Variants in FBXW11 observed in about 807,000 individuals in gnomAD.
FBXW11 encodes the protein F-box and WD repeat domain containing 11.
A neutral mutation model predicts 77.6 loss-of-function variants in FBXW11; 19 were observed. The observed-to-expected ratio is 0.24, with a 90% CI of 0.17 to 0.36. FBXW11 has a LOEUF of 0.36. FBXW11 is among the 10% of genes least tolerant of loss of function. The pLI, the probability that FBXW11 is intolerant of heterozygous loss-of-function variation, is 1.00. For missense variants in FBXW11, 334 were observed against 704.2 expected, an observed-to-expected ratio of 0.47 and a Z score of 5.95; for synonymous variants, 235 against 249.4, an observed-to-expected ratio of 0.94 and a Z score of 0.54.
rs184571611 is a variant in FBXW11 at position 171,868,865 on chromosome 5, T to C, written c.1531-69A>G. 2.0e-4 allele frequency: 293 copies of C among 1,433,668 alleles called. 1 individual carries two copies. The African/African-American group carries it at 3.8e-3, about 18-fold the overall frequency. 88.8% of individuals were successfully genotyped at this position (1,433,668 alleles called of 1,614,324 possible). On this transcript the variant is annotated intron_variant, in intron 12 of 13. Transcript: ENST00000517395. ...CCCCTGATATCTCACAATGAGAAACTGGGCAGAAGATGAAAATGCAGCCAC... is the reference window on the plus strand; with the variant it reads ...CCCCTGATATCTCACAATGAGAAACCGGGCAGAAGATGAAAATGCAGCCAC...
At chr5:171,889,674 G>C (rs568828026) in intron 7 of FBXW11, among the ~76,000 whole-genome samples, 1 of 151,964 alleles carries the variant, frequency 6.6e-6, no homozygotes, top group East Asian at 1.9e-4. Flanking sequence ...ATCACCTAAA[G>C]TCGGGAGTTT....
intron 1 of FBXW11, among the ~76,000 whole-genome samples, chr5:171,970,965 C>T (rs910892333): frequency 1.3e-5 from 2 of 152,164 alleles, no homozygotes; most frequent in Non-Finnish European, 2.9e-5. Flanking sequence ...TGCTGCACAG[C>T]AAGGATGTCT....
At chr5:171,920,247 T>C (rs1213706768) in intron 2 of FBXW11, among the ~76,000 whole-genome samples, 2 of 152,094 alleles carry the variant, frequency 1.3e-5, no homozygotes, top group African/African-American at 2.4e-5. Context: ...TAAGTGGAAG[T>C]AGCGTAAGCT....
intron 2 of FBXW11, among the ~76,000 whole-genome samples, chr5:171,930,882 T>A (rs1167196209): frequency 6.6e-6 from 1 of 151,672 alleles, no homozygotes; most frequent in East Asian, 1.9e-4. Flanking sequence ...CTTTCCTATA[T>A]ACCAGCAATG....
At chr5:171,916,152 T>C (rs1241103146) in intron 2 of FBXW11, among the ~76,000 whole-genome samples, 2 of 149,816 alleles carry the variant, frequency 1.3e-5, no homozygotes, top group South Asian at 4.2e-4. Flanking sequence ...GACGAGTTAA[T>C]GGGTGGAGCA....
intron 13 of FBXW11, chr5:171,868,171 G>GGTGGATT (rs1307614179): frequency 6.6e-6 from 1 of 152,132 alleles, no homozygotes; most frequent in African/African-American, 2.4e-5. Context: ...GATGGTGGTG[G>GGTGGATT]GTGGATTGTG....
At chr5:171,892,257 T>C (rs1324490759) in intron 6 of FBXW11, among the ~76,000 whole-genome samples, 2 of 152,190 alleles carry the variant, frequency 1.3e-5, no homozygotes, top group African/African-American at 4.8e-5. Context: ...CACTCCAATA[T>C]CTAGGCCCAT....
chr5:171,966,583 G>C (rs1257049759), intron 1 of FBXW11, among the ~76,000 whole-genome samples: 1 of 152,116 alleles, frequency 6.6e-6, no homozygotes, highest in African/African-American at 2.4e-5. Context: ...GCTGCCAAGG[G>C]GGAACAGAAT....
chr5:171,957,641 C>T lies in FBXW11; in HGVS notation c.103G>A (p.Ala35Thr), dbSNP rs760618599. The change falls in exon 2 of 14, where the codon GCA (alanine) becomes ACA (threonine). Residue 35 changes from alanine to threonine, a missense_variant. Ala to Thr is a moderately conservative substitution (Grantham distance 58). Transcript: ENST00000517395. ...GCANLVESMC[A>T]LSCLQSMPSV... is the part of the protein sequence containing the mutation. ...GGCATGCTCTGCAGGCAACTCAGTGCGCACATGCTCTCTACCAGGTTGGCG... is the reference window on the plus strand; with the variant it reads ...GGCATGCTCTGCAGGCAACTCAGTGTGCACATGCTCTCTACCAGGTTGGCG... The T allele has an allele frequency of 1.9e-6, 3 of 1,614,178 alleles. No homozygotes were observed. Among genetic ancestry groups the T allele is most frequent in the Non-Finnish European group, 2.5e-6 (3 of 1,180,016 alleles).
intron 2 of FBXW11, among the ~76,000 whole-genome samples, chr5:171,936,700 C>A (rs1237824317): frequency 1.3e-5 from 2 of 151,920 alleles, no homozygotes; most frequent in Non-Finnish European, 1.5e-5. Context: ...CAAGACAGCT[C>A]AAGAAAACAA....
intron 2 of FBXW11, among the ~76,000 whole-genome samples, chr5:171,955,933 C>CTCCCACTCACCCCACCTCCAGA (rs1178593353): frequency 1.3e-5 from 2 of 152,096 alleles, no homozygotes; most frequent in African/African-American, 4.8e-5. Flanking sequence ...CGTGTACCTC[C>CTCCCACTCACCCCACCTCCAGA]TCCCACTCAC....
At chr5:171,996,258 T>G (rs1351099453) in intron 1 of FBXW11, among the ~76,000 whole-genome samples, 1 of 152,234 alleles carries the variant, frequency 6.6e-6, no homozygotes, top group South Asian at 2.1e-4. Flanking sequence ...CATGTGAGAA[T>G]GCCTCAAAGT....
chr5:171,961,813 AT>A (rs1369176613), intron 1 of FBXW11, among the ~76,000 whole-genome samples: 4 of 151,934 alleles, frequency 2.6e-5, no homozygotes, highest in Non-Finnish European at 4.4e-5. Flanking sequence ...TGCCCGGCTT[AT>A]TTTTGTATTT....
intron 1 of FBXW11, among the ~76,000 whole-genome samples, chr5:171,992,488 G>T (rs1296720602): frequency 6.6e-6 from 1 of 150,504 alleles, no homozygotes; most frequent in East Asian, 1.9e-4. Flanking sequence ...GGAAAGAAAG[G>T]AAGAAAGAAA....
intron 2 of FBXW11, among the ~76,000 whole-genome samples, chr5:171,956,213 G>A (rs1023399369): frequency 1.3e-5 from 2 of 152,090 alleles, no homozygotes; most frequent in African/African-American, 2.4e-5. Flanking sequence ...TTATAATAAC[G>A]CAAATATCCA....
intron 1 of FBXW11, among the ~76,000 whole-genome samples, chr5:171,961,469 C>A (rs1032263721): frequency 5.3e-5 from 8 of 152,144 alleles, no homozygotes; most frequent in Non-Finnish European, 1.2e-4. Flanking sequence ...AGGAAATACA[C>A]CCACCTTTTA....
In FBXW11 at chr5:171,887,021, A is replaced by G. The variant is rs545501941; in HGVS notation, c.852+4446T>C. 2.0e-5 allele frequency among the ~76,000 whole-genome samples: 3 copies of G among 152,268 alleles called. No homozygotes were observed. In the South Asian group the frequency reaches 6.2e-4, roughly 32 times the overall value. On this transcript the variant is annotated intron_variant, in intron 7 of 13. Transcript: ENST00000517395. Reference sequence around the variant, plus strand: ...GTGACAGAGCGAGACTCTGTCTCAAAAAGTAAGAAAAAAAAAATTAAAAAT... The same window carrying G: ...GTGACAGAGCGAGACTCTGTCTCAAGAAGTAAGAAAAAAAAAATTAAAAAT...
chr5:171,909,928 G>GA (rs1163089564), intron 4 of FBXW11, among the ~76,000 whole-genome samples: 1 of 152,050 alleles, frequency 6.6e-6, no homozygotes, highest in Non-Finnish European at 1.5e-5. Flanking sequence ...TGTTTGAAGG[G>GA]AAAAGAGTAC....
chr5:171,986,871 C>A (rs969327946), intron 1 of FBXW11, among the ~76,000 whole-genome samples: 6 of 152,160 alleles, frequency 3.9e-5, no homozygotes, highest in African/African-American at 1.4e-4. Flanking sequence ...AGTCTGTGAC[C>A]TATTAAGAAC....
Sources: gnomAD v4.1 joint callset for allele counts (sites outside exome capture counted in the v4.1 genomes callset) on GRCh38, gnomAD v4.1.1 for gene constraint, MANE v1.5 for transcripts, NCBI Gene and HGNC (gene_info 2026-07-23, HGNC 2026-07-21) for gene names.